ANKRD55: variants seen among roughly 807,000 people sequenced by gnomAD.
ANKRD55 encodes the protein ankyrin repeat domain 55.
Under a neutral mutation model 60.6 loss-of-function variants are expected in ANKRD55, and 41 were observed. The ratio of observed to expected loss-of-function variants is 0.68; its 90% CI spans 0.53 to 0.88. The LOEUF (loss-of-function observed/expected upper bound fraction) is 0.88, where lower values mean the gene tolerates loss of function less well. ANKRD55 is among the 40% of genes least tolerant of loss of function. The probability of loss-of-function intolerance (pLI) is 0.00; values close to 1 mark genes in which losing one functional copy is unlikely to be tolerated. For missense variants in ANKRD55, 732 were observed against 767.6 expected (o/e 0.95, Z 0.55); for synonymous variants, 264 against 290.3 (o/e 0.91, Z 0.92).
intron 8 of ANKRD55, among the ~76,000 whole-genome samples, chr5:56,121,344 T>C (rs1757047507): frequency 6.6e-6 from 1 of 150,864 alleles, no homozygotes; most frequent in Non-Finnish European, 1.5e-5. Flanking sequence ...TAAAATAACA[T>C]AAATACTTGA....
At chr5:56,192,855 A>C (rs1284897412) in intron 2 of ANKRD55, 4 of 679,424 alleles carry the variant, frequency 5.9e-6, no homozygotes, top group Non-Finnish European at 1.0e-5. Context: ...CTACAGAAAA[A>C]GGCCAAACAT....
intron 2 of ANKRD55, among the ~76,000 whole-genome samples, chr5:56,187,108 A>G (rs910594266): frequency 6.6e-6 from 1 of 152,246 alleles, no homozygotes; most frequent in Non-Finnish European, 1.5e-5. Flanking sequence ...TCCCCAAAAT[A>G]TCTTGCCAGA....
chr5:56,209,959 T>A (rs575123341), intron 2 of ANKRD55, among the ~76,000 whole-genome samples: 2 of 152,278 alleles, frequency 1.3e-5, no homozygotes, highest in African/African-American at 4.8e-5. Flanking sequence ...TTAAAAAAAA[T>A]TAATGCTGAT....
At chr5:56,128,099 A>G (rs759974463) in intron 7 of ANKRD55, among the ~76,000 whole-genome samples, 1 of 152,218 alleles carries the variant, frequency 6.6e-6, no homozygotes, top group African/African-American at 2.4e-5. Flanking sequence ...AGTCTGAAAT[A>G]CATTTTAGAT....
chr5:56,115,743 A>T (rs1756866446), intron 9 of ANKRD55, among the ~76,000 whole-genome samples: 1 of 152,204 alleles, frequency 6.6e-6, no homozygotes, highest in African/African-American at 2.4e-5. Flanking sequence ...TAAATAAAAC[A>T]TTTTATTTTT....
rs1554036581 is a variant in ANKRD55, at chr5:56,112,510, A to AAAAAAAC, written c.966-729_966-728insGTTTTTT. On this transcript the variant is annotated intron_variant, in intron 9 of 11. Transcript: ENST00000341048. ...GGCAGGATCTCATCTCTAGCAAAAA[A>AAAAAAAC]AAAAAAAAAAAACAACCAAGGAAAG... Among the ~76,000 whole-genome samples, 29 of 138,092 alleles carry AAAAAAAC rather than the reference A, an allele frequency of 2.1e-4. 1 individual carries two copies. The highest frequency in any genetic ancestry group is 6.7e-4 in the African/African-American group (26 of 38,744). 90.6% of individuals were successfully genotyped at this position (138,092 alleles called of 152,430 possible). A position where few individuals can be genotyped will look rare whatever the true frequency, so the allele number is the denominator to read the frequency against.
intron 2 of ANKRD55, among the ~76,000 whole-genome samples, chr5:56,198,092 A>C (rs757461272): frequency 1.3e-5 from 2 of 152,116 alleles, no homozygotes; most frequent in African/African-American, 4.8e-5. Flanking sequence ...TTACTCTTAA[A>C]TGCTGCCTTC....
intron 2 of ANKRD55, among the ~76,000 whole-genome samples, chr5:56,201,566 C>T (rs1759381106): frequency 6.6e-6 from 1 of 152,196 alleles, no homozygotes; most frequent in Non-Finnish European, 1.5e-5. Context: ...GCTATGTGAC[C>T]TTAGGCAAGT....
chr5:56,183,445 T>C, intron 3 of ANKRD55, 67 bp downstream of exon 3: 1 of 1,592,914 alleles, frequency 6.3e-7, no homozygotes, highest in Non-Finnish European at 8.6e-7. Context: ...ACATTGCTCA[T>C]GTCTGAAGGC....
chr5:56,144,825 G>A (rs1434045637), intron 6 of ANKRD55, among the ~76,000 whole-genome samples: 2 of 152,186 alleles, frequency 1.3e-5, no homozygotes, highest in Non-Finnish European at 2.9e-5. Flanking sequence ...TGGCCAAAAA[G>A]AGCCAGCGTT....
At chr5:56,138,272 C>T (rs1481316225) in intron 7 of ANKRD55, among the ~76,000 whole-genome samples, 1 of 151,918 alleles carries the variant, frequency 6.6e-6, no homozygotes, top group Non-Finnish European at 1.5e-5. Flanking sequence ...GGATTACAGG[C>T]ACCCACTACC....
rs745910138 is a variant in ANKRD55 at position 56,183,462 on chromosome 5, T to TA, written c.181+49dup. The stretch of plus-strand genomic sequence containing the variant: ...ATTGCTCATGTCTGAAGGCCATCTC[T>TA]AAAAAAATAGAGCAGAACATTCTGG... On this transcript the variant is annotated intron_variant, in intron 3 of 11. Coordinates refer to ENST00000341048, the MANE Select transcript of ANKRD55 (RefSeq NM_024669.3). The TA allele has an allele frequency of 3.1e-6, 5 of 1,605,820 alleles. No homozygotes were observed. The African/African-American group carries it at 4.0e-5, about 13-fold the overall frequency.
At chr5:56,172,368 T>A (rs749443437) in intron 4 of ANKRD55, among the ~76,000 whole-genome samples, 18 of 152,148 alleles carry the variant, frequency 1.2e-4, no homozygotes, top group Non-Finnish European at 2.2e-4. Context: ...TAAATCTGTT[T>A]CTAGTTGTTA....
At chr5:56,106,420 C>CT (rs71602938) in intron 10 of ANKRD55, among the ~76,000 whole-genome samples, 6,453 of 96,620 alleles carry the variant, frequency 0.067, 487 homozygotes, top group Non-Finnish European at 0.083. Flanking sequence ...GCTAGGAAAG[C>CT]TTTTTTTTTT....
At chr5:56,205,325 T>C (rs1759475043) in intron 2 of ANKRD55, among the ~76,000 whole-genome samples, 1 of 152,220 alleles carries the variant, frequency 6.6e-6, no homozygotes, top group Admixed American at 6.5e-5. Context: ...CCTCCCAAAG[T>C]GCTAGGATTA....
At chr5:56,213,051 TA>T (rs1759714657) in intron 2 of ANKRD55, among the ~76,000 whole-genome samples, 1 of 152,270 alleles carries the variant, frequency 6.6e-6, no homozygotes, top group Non-Finnish European at 1.5e-5. Flanking sequence ...GCCTTCTGGA[TA>T]AAAACTTTAT....
At chr5:56,100,890 T>C (rs907109217) in intron 11 of ANKRD55, among the ~76,000 whole-genome samples, 10 of 152,248 alleles carry the variant, frequency 6.6e-5, no homozygotes, top group African/African-American at 2.2e-4. Flanking sequence ...TAGATGTTTT[T>C]GTGGCTACAG....
chr5:56,220,384 C>T (rs528394042), intron 2 of ANKRD55, among the ~76,000 whole-genome samples: 69 of 152,166 alleles, frequency 4.5e-4, no homozygotes, highest in Non-Finnish European at 8.7e-4. Flanking sequence ...GAGGCCACAG[C>T]ACACTCCAGA....
Position 56,170,799 on chromosome 5 carries a change from C to A in ANKRD55, c.317G>T (p.Trp106Leu), listed in dbSNP as rs751919992. 1 of 1,614,098 alleles carries A rather than the reference C, an allele frequency of 6.2e-7. No individual in the cohort carries two copies. The highest frequency in any genetic ancestry group is 1.1e-5 in the South Asian group (1 of 91,080). The stretch of plus-strand genomic sequence containing the variant: ...GAGTAGACTCACACAGCCTTCAAGC[C>A]AGCCCTGAAATACAAGAGCAACCAC... Reference protein sequence around the residue: ...TSLCLATYLGWLEGCVSLLRN... With the variant: ...TSLCLATYLGLLEGCVSLLRN... Residue 106 changes from tryptophan to leucine, a missense_variant, in exon 5 of 12, where the codon TGG becomes TTG. Around this residue, in one of 3 missense-constraint regions of ANKRD55, gnomAD observed 131 missense variants for 142.7 expected, o/e 0.92. Coordinates refer to ENST00000341048, the MANE Select transcript of ANKRD55 (RefSeq NM_024669.3).
Sources: allele counts gnomAD v4.1 joint callset (sites outside exome capture counted in the v4.1 genomes callset), GRCh38; gene constraint gnomAD v4.1.1; regional missense constraint gnomAD v4.1.1; transcripts MANE v1.5; gene names NCBI Gene and HGNC (gene_info 2026-07-23, HGNC 2026-07-21).